The following GDAP1 variants were observed in gnomAD, a reference collection of about 807,000 sequenced individuals.
The protein encoded by GDAP1 is ganglioside induced differentiation associated protein 1, also known as ganglioside-induced differentiation-associated protein 1.
In GDAP1, 34 loss-of-function variants were observed where a neutral mutation model predicts 40.1. That is an observed-to-expected ratio of 0.85 (90% CI 0.64 to 1.13). The LOEUF is 1.13. Among genes scored for constraint, GDAP1 ranks in the 50% most tolerant of loss-of-function variants. The probability of loss-of-function intolerance (pLI) is 0.00; values close to 1 mark genes in which losing one functional copy is unlikely to be tolerated. For synonymous variants in GDAP1, 170 were observed against 157.4 expected (o/e 1.08, Z -0.60); for missense variants, 374 against 433.7 (o/e 0.86, Z 1.22).
chr8:74,376,000 A>G (rs1809845954), intron 2 of GDAP1, among the ~76,000 whole-genome samples: 1 of 152,234 alleles, frequency 6.6e-6, no homozygotes, highest in African/African-American at 2.4e-5. Flanking sequence ...ATGAAGTGAA[A>G]AATTCCTTTT....
chr8:74,367,167 C>G (rs1425890345), downstream of GDAP1: 1 of 162,770 alleles, frequency 6.1e-6, no homozygotes, highest in Non-Finnish European at 1.3e-5. Flanking sequence ...AGCCACCTAC[C>G]ATGGGAGAGC....
intron 2 of GDAP1, among the ~76,000 whole-genome samples, chr8:74,447,195 A>G (rs1806239980): frequency 6.6e-6 from 1 of 152,124 alleles, no homozygotes; most frequent in Non-Finnish European, 1.5e-5. Flanking sequence ...ACACACCAAA[A>G]TTCTATAATG....
intron 2 of GDAP1, among the ~76,000 whole-genome samples, chr8:74,468,468 A>T (rs1226338495): frequency 7.4e-6 from 1 of 134,736 alleles, no homozygotes; most frequent in African/African-American, 2.9e-5. Flanking sequence ...TATATATGTA[A>T]ATGACCCCAT....
At chr8:74,415,636 C>G (rs1183268297) in intron 2 of GDAP1, among the ~76,000 whole-genome samples, 1 of 150,034 alleles carries the variant, frequency 6.7e-6, no homozygotes, top group Admixed American at 6.6e-5. Context: ...AGCCTTATCC[C>G]TGCCCAGAGC....
downstream of GDAP1, among the ~76,000 whole-genome samples, chr8:74,371,830 T>C (rs181931857): frequency 2.5e-3 from 388 of 152,228 alleles, no homozygotes; most frequent in African/African-American, 8.8e-3. Flanking sequence ...ATGTGCAGGT[T>C]TGTGACATAT....
chr8:74,394,416 A>T (rs1045698634), intron 2 of GDAP1, among the ~76,000 whole-genome samples: 1 of 152,184 alleles, frequency 6.6e-6, no homozygotes, highest in Non-Finnish European at 1.5e-5. Flanking sequence ...GCCTCAAGAT[A>T]GGAGAGGTAA....
intron 2 of GDAP1, among the ~76,000 whole-genome samples, chr8:74,398,940 A>G (rs1357487036): frequency 6.6e-6 from 1 of 152,136 alleles, no homozygotes; most frequent in Non-Finnish European, 1.5e-5. Flanking sequence ...GTGCTGCTGG[A>G]TTTGGTTTGC....
rs762178199 is a variant in GDAP1, at chr8:74,454,586, A to T, written c.166-34092A>T. On this transcript the variant is annotated intron_variant, in intron 2 of 2. Coordinates refer to the GDAP1 transcript ENST00000523640. ...TGTGCTGCTAGATACATTCACAAGG[A>T]TGGTGTTCTTCCAAATAAACTCAAG... 6.0e-5 allele frequency among the ~76,000 whole-genome samples: 5 copies of T among 83,574 alleles called. 2 individuals are homozygous for T. The highest frequency in any genetic ancestry group is 1.2e-4 in the Non-Finnish European group (5 of 40,978). The allele number at this position is 83,574 out of a possible 152,430, so 54.8% of individuals were successfully genotyped here. A position where few individuals can be genotyped will look rare whatever the true frequency, so the allele number is the denominator to read the frequency against.
chr8:74,355,174 A>AT (rs35221214), intron 2 of GDAP1, among the ~76,000 whole-genome samples: 8 of 151,418 alleles, frequency 5.3e-5, no homozygotes, highest in Admixed American at 2.0e-4. Flanking sequence ...GCTGTATTTG[A>AT]TTTTTTTTTG....
At chr8:74,447,271 G>A (rs148320611) in intron 2 of GDAP1, among the ~76,000 whole-genome samples, 4 of 151,988 alleles carry the variant, frequency 2.6e-5, no homozygotes, top group East Asian at 3.9e-4. Flanking sequence ...TCCAGATGCC[G>A]CTATGTCTTT....
rs532460998 is a variant in GDAP1, at chr8:74,454,447, G to A, written c.166-34231G>A. ...ACATTAGAGATGGAAAAGATCCACA[G>A]GATTATATTACCAAACCCATTCCCC... On this transcript the variant is annotated intron_variant, in intron 2 of 2. Transcript: ENST00000523640. 1.1e-4 allele frequency among the ~76,000 whole-genome samples: 9 copies of A among 83,194 alleles called. 3 individuals are homozygous for A. In the Admixed American group the frequency reaches 1.1e-3, roughly 10 times the overall value. The allele number at this position is 83,194 out of a possible 152,430, so 54.6% of individuals were successfully genotyped here.
chr8:74,406,367 G>C (rs1805641169), intron 2 of GDAP1, among the ~76,000 whole-genome samples: 1 of 150,270 alleles, frequency 6.7e-6, no homozygotes, highest in Non-Finnish European at 1.5e-5. Context: ...AACACTGTTT[G>C]TTTTATGTGC....
intron 2 of GDAP1, among the ~76,000 whole-genome samples, chr8:74,484,933 G>A (rs536463372): frequency 2.0e-5 from 3 of 152,186 alleles, no homozygotes; most frequent in East Asian, 3.9e-4. Context: ...TAGTTAGACT[G>A]TGGTAACCAT....
At chr8:74,389,416 A>G (rs1273326080) in intron 2 of GDAP1, among the ~76,000 whole-genome samples, 2 of 152,082 alleles carry the variant, frequency 1.3e-5, no homozygotes, top group Admixed American at 6.5e-5. Context: ...AAAGGATTTT[A>G]TTTCTCCTTT....
In GDAP1 at chr8:74,469,621, A is replaced by G. The variant is rs1247403172; in HGVS notation, c.166-19057A>G. Among the ~76,000 whole-genome samples the G allele has an allele frequency of 7.3e-5, 11 of 150,558 alleles. No homozygotes were observed. The East Asian group carries it at 2.2e-3, about 30-fold the overall frequency. On this transcript the variant is annotated intron_variant, in intron 2 of 2. Transcript: ENST00000523640. ...GGAGCGGAGCTTGCAGTGAGCCGAG[A>G]TCGCGCCACTGCACTCCAGCCTGGG... is the stretch of plus-strand genomic sequence containing the variant.
intron 2 of GDAP1, among the ~76,000 whole-genome samples, chr8:74,442,297 C>G (rs886409043): frequency 8.5e-5 from 13 of 152,208 alleles, no homozygotes; most frequent in African/African-American, 2.7e-4. Context: ...CCAGAGGATC[C>G]GGTACCTTCT....
At chr8:74,485,666 CAG>C (rs1202130091) in intron 2 of GDAP1, among the ~76,000 whole-genome samples, 5 of 151,656 alleles carry the variant, frequency 3.3e-5, no homozygotes, top group African/African-American at 1.2e-4. Context: ...GCTGGAGAGA[CAG>C]AGAGAGGCTT....
intron 2 of GDAP1, among the ~76,000 whole-genome samples, chr8:74,355,760 G>C (rs1809064800): frequency 6.6e-6 from 1 of 152,060 alleles, no homozygotes; most frequent in African/African-American, 2.4e-5. Context: ...CTGGAATCAA[G>C]AATAATGGAT....
Position 74,360,350 on chromosome 8 carries a change from C to T in GDAP1, c.484+40C>T, listed in dbSNP as rs575425295. 2.0e-6 allele frequency: 3 copies of T among 1,529,508 alleles called. No individual in the cohort carries two copies. The African/African-American group carries it at 4.1e-5, about 21-fold the overall frequency. The allele number at this position is 1,529,508 out of a possible 1,614,324, so 94.7% of individuals were successfully genotyped here. A position where few individuals can be genotyped will look rare whatever the true frequency, so the allele number is the denominator to read the frequency against. On this transcript the variant is annotated intron_variant, in intron 3 of 5. Coordinates refer to ENST00000220822, the MANE Select transcript of GDAP1 (RefSeq NM_018972.4). Reference sequence around the variant, plus strand: ...TAAAGACCTGGAATTCTGTCTGACACTTTCTTTTAATTCATTTTGAGACCT... The same window carrying T: ...TAAAGACCTGGAATTCTGTCTGACATTTTCTTTTAATTCATTTTGAGACCT...
Sources: allele counts gnomAD v4.1 joint callset (sites outside exome capture counted in the v4.1 genomes callset), GRCh38; gene constraint gnomAD v4.1.1; transcripts MANE v1.5; gene names NCBI Gene and HGNC (gene_info 2026-07-23, HGNC 2026-07-21).